POU2F2: variants seen among roughly 807,000 people sequenced by gnomAD.
POU2F2 encodes POU class 2 homeobox 2, also known as POU domain, class 2, transcription factor 2.
Under a neutral mutation model 63.5 loss-of-function variants are expected in POU2F2, and 14 were observed. That is an observed-to-expected ratio of 0.22 (90% CI 0.15 to 0.34). POU2F2 has a LOEUF of 0.34. Among genes scored for constraint, POU2F2 ranks in the 10% least tolerant of loss-of-function variants. The pLI, the probability that POU2F2 is intolerant of heterozygous loss-of-function variation, is 1.00. For synonymous variants in POU2F2, 306 were observed against 348.6 expected, an observed-to-expected ratio of 0.88 and a Z score of 1.36; for missense variants, 607 against 815.2, an observed-to-expected ratio of 0.74 and a Z score of 3.11.
intron 1 of POU2F2, among the ~76,000 whole-genome samples, chr19:42,192,075 C>T (rs2035080795): frequency 6.6e-6 from 1 of 152,144 alleles, no homozygotes; most frequent in African/African-American, 2.4e-5. Context: ...CTGGTAATGA[C>T]TAAACCCAAG....
chr19:42,157,168 A>G (rs79107853), intron 2 of POU2F2: 1 of 152,234 alleles, frequency 6.6e-6, no homozygotes, highest in African/African-American at 2.4e-5. Context: ...AGGCCAGCAT[A>G]CACAGTCCCC....
rs149508401 is a variant in POU2F2 at position 42,152,862 on chromosome 19, C to T, written c.-9+7470G>A. Among the ~76,000 whole-genome samples, 27 of 152,244 alleles carry T rather than the reference C, an allele frequency of 1.8e-4. No homozygotes were observed. Among genetic ancestry groups the T allele is most frequent in the South Asian group, 1.2e-3 (6 of 4,820 alleles). On this transcript the variant is annotated intron_variant, in intron 2 of 6. Coordinates refer to the POU2F2 transcript ENST00000524801. This position sits in a 1 kb window ranked among gnomAD's most constrained non-coding sequence, Gnocchi z 4.1. Reference sequence around the variant, plus strand: ...GATGGGGCCCTTTGAAGGTGTGTGACGGACAGAGCTCTGGGAGGTGGGCAG... The same window carrying T: ...GATGGGGCCCTTTGAAGGTGTGTGATGGACAGAGCTCTGGGAGGTGGGCAG...
At chr19:42,159,286 C>G (rs2034511422) in intron 2 of POU2F2, among the ~76,000 whole-genome samples, 1 of 152,120 alleles carries the variant, frequency 6.6e-6, no homozygotes, top group African/African-American at 2.4e-5. Context: ...GTCAGTGGAG[C>G]TAAAAAGCAG....
intron 1 of POU2F2, among the ~76,000 whole-genome samples, chr19:42,191,208 C>G (rs1463836240): frequency 2.0e-5 from 3 of 152,284 alleles, no homozygotes; most frequent in African/African-American, 7.2e-5. Context: ...TCGGACCCCC[C>G]CTTGCTCTCT....
chr19:42,093,280 G>C (rs1287355568), intron 12 of POU2F2, among the ~76,000 whole-genome samples: 1 of 151,732 alleles, frequency 6.6e-6, no homozygotes, highest in Non-Finnish European at 1.5e-5. Flanking sequence ...AAAGAGCAGG[G>C]ATTATAGGCA....
intron 1 of POU2F2, among the ~76,000 whole-genome samples, chr19:42,195,269 A>T (rs941781662): frequency 1.3e-4 from 19 of 150,916 alleles, no homozygotes; most frequent in Non-Finnish European, 2.4e-4. Context: ...GGCAAGAGTA[A>T]CACAGGAAAG....
In POU2F2 at chr19:42,091,508, C is replaced by T; in HGVS notation, c.1624G>A (p.Gly542Arg). The change falls in exon 15 of 15, where the codon GGG (glycine) becomes AGG (arginine). Residue 542 changes from glycine to arginine, a missense_variant. This residue lies in a region of POU2F2 where 270 missense variants were observed against 307.5 expected (regional missense o/e 0.88). Transcript: ENST00000692977. Reference sequence around the variant, plus strand: ...GGCGAGGTCACCAGGCCAGGGCTCCCCGGGGCTGCACCGGCTGCCCCCAGC... The same window carrying T: ...GGCGAGGTCACCAGGCCAGGGCTCCTCGGGGCTGCACCGGCTGCCCCCAGC... ...LVLGAAGAAPGSPGLVTSPLF... is the reference protein window; with the variant it reads ...LVLGAAGAAPRSPGLVTSPLF... 1 of 1,547,672 alleles carries T rather than the reference C, an allele frequency of 6.5e-7. No individual in the cohort carries two copies. Among genetic ancestry groups the T allele is most frequent in the Non-Finnish European group, 8.7e-7 (1 of 1,144,404 alleles).
intron 1 of POU2F2, among the ~76,000 whole-genome samples, chr19:42,186,037 G>A (rs891652171): frequency 5.3e-5 from 8 of 152,050 alleles, no homozygotes; most frequent in African/African-American, 1.2e-4. Context: ...CTATAGGTGC[G>A]CACAACTACA....
At chr19:42,187,071 T>G (rs1430119421) in intron 1 of POU2F2, among the ~76,000 whole-genome samples, 1 of 152,128 alleles carries the variant, frequency 6.6e-6, no homozygotes, top group African/African-American at 2.4e-5. Flanking sequence ...ATAGAGTTGA[T>G]AGCTGAAATC....
At chr19:42,160,920 G>A (rs1408953215) in intron 1 of POU2F2, among the ~76,000 whole-genome samples, 2 of 152,206 alleles carry the variant, frequency 1.3e-5, no homozygotes, top group African/African-American at 4.8e-5. Context: ...AAGTCATAAT[G>A]ATATTTCTGA....
chr19:42,122,609 AGG>A, intron 1 of POU2F2, 33 bp from the exon 2 acceptor site: 1 of 1,508,510 alleles, frequency 6.6e-7, no homozygotes, highest in African/African-American at 1.4e-5. Context: ...AGTGGGGTGA[AGG>A]AGGGGAATCC....
chr19:42,160,015 G>C (rs1433415280), intron 2 of POU2F2, among the ~76,000 whole-genome samples: 1 of 152,066 alleles, frequency 6.6e-6, no homozygotes, highest in Non-Finnish European at 1.5e-5. Flanking sequence ...AAAGAGATTC[G>C]AACATAGGTG....
chr19:42,178,429 T>G (rs2034922190), upstream of POU2F2, among the ~76,000 whole-genome samples: 1 of 150,948 alleles, frequency 6.6e-6, no homozygotes, highest in South Asian at 2.1e-4. Context: ...GAGAGACAAA[T>G]GAAGATGTAA....
chr19:42,124,436 T>C (rs1394820580), intron 1 of POU2F2, among the ~76,000 whole-genome samples: 1 of 150,066 alleles, frequency 6.7e-6, no homozygotes, highest in Non-Finnish European at 1.5e-5. Context: ...TGTGAAATGC[T>C]GCTTGAGTTT....
intron 5 of POU2F2, among the ~76,000 whole-genome samples, chr19:42,106,162 C>G (rs1327782378): frequency 6.6e-6 from 1 of 151,652 alleles, no homozygotes; most frequent in Admixed American, 6.6e-5. Context: ...AGTACAGTGG[C>G]TCAGTCTTGC....
At chr19:42,126,017 A>G (rs2146668875) in intron 1 of POU2F2, among the ~76,000 whole-genome samples, 1 of 152,346 alleles carries the variant, frequency 6.6e-6, no homozygotes, top group South Asian at 2.1e-4. Context: ...TGCATCTACC[A>G]AAATTCATAC....
At chr19:42,171,413 A>G (rs2034763329) in intron 1 of POU2F2, among the ~76,000 whole-genome samples, 1 of 145,080 alleles carries the variant, frequency 6.9e-6, no homozygotes, top group African/African-American at 2.6e-5. Flanking sequence ...GGGAGATGGA[A>G]TGTCAGGGGC....
rs1036606588 is a variant in POU2F2 at position 42,092,848 on chromosome 19, T to C, written c.1265-578A>G. Among the ~76,000 whole-genome samples, 2 of 151,952 alleles carry C rather than the reference T, an allele frequency of 1.3e-5. No individual in the cohort carries two copies. The highest frequency in any genetic ancestry group is 2.9e-5 in the Non-Finnish European group (2 of 67,988). On this transcript the variant is annotated intron_variant, in intron 12 of 14. Coordinates refer to ENST00000692977, the MANE Select transcript of POU2F2 (RefSeq NM_001394376.1). This position sits in a 1 kb window ranked among gnomAD's most constrained non-coding sequence, Gnocchi z 5.0. ...CAGTCAATGCAGTTTAGAAAGAGTTTAGTACAGTGCCAGGCAAGCACTTAC... is the reference window on the plus strand; with the variant it reads ...CAGTCAATGCAGTTTAGAAAGAGTTCAGTACAGTGCCAGGCAAGCACTTAC...
At chr19:42,158,562 G>A (rs1213530836) in intron 2 of POU2F2, among the ~76,000 whole-genome samples, 1 of 152,214 alleles carries the variant, frequency 6.6e-6, no homozygotes, top group Non-Finnish European at 1.5e-5. Context: ...CAGGGTTGCT[G>A]TGAGGATTAA....
Sources: allele counts gnomAD v4.1 joint callset (sites outside exome capture counted in the v4.1 genomes callset), GRCh38; gene constraint gnomAD v4.1.1; regional missense constraint gnomAD v4.1.1; non-coding constraint Gnocchi (gnomAD v3.1); transcripts MANE v1.5; gene names NCBI Gene and HGNC (gene_info 2026-07-23, HGNC 2026-07-21).